Variants in ZNF554 observed in about 807,000 individuals in gnomAD.
The protein encoded by ZNF554 is zinc finger protein 554.
A neutral mutation model predicts 21.2 loss-of-function variants in ZNF554; 15 were observed. The observed-to-expected ratio is 0.71, with a 90% CI of 0.47 to 1.09. The LOEUF is 1.09. Among genes scored for constraint, ZNF554 ranks in the 50% least tolerant of loss-of-function variants. ZNF554 has a pLI of 0.00. For synonymous variants in ZNF554, 258 were observed against 251.4 expected (o/e 1.03, Z -0.25); for missense variants, 691 against 662.7 (o/e 1.04, Z -0.47).
chr19:2,830,066 A>C (rs1282071206), intron 3 of ZNF554, among the ~76,000 whole-genome samples: 3 of 152,068 alleles, frequency 2.0e-5, no homozygotes, highest in Non-Finnish European at 4.4e-5. Flanking sequence ...CTGGGACTAC[A>C]GGCGCCCGCC....
At chr19:2,823,170 C>G in intron 2 of ZNF554, 58 bp downstream of exon 2, 1 of 1,538,416 alleles carries the variant, frequency 6.5e-7, no homozygotes, top group Admixed American at 1.8e-5. Flanking sequence ...AACAATCCCA[C>G]CAGAAACTCA....
At chr19:2,832,099 T>C (rs1272189258) in intron 3 of ZNF554, 5 of 389,442 alleles carry the variant, frequency 1.3e-5, no homozygotes, top group African/African-American at 1.0e-4. Flanking sequence ...CTAATTTTTG[T>C]ATTTTTAGTA....
chr19:2,823,441 A>C (rs1056354586), intron 2 of ZNF554, among the ~76,000 whole-genome samples: 1 of 152,070 alleles, frequency 6.6e-6, no homozygotes, highest in Non-Finnish European at 1.5e-5. Context: ...CAGACAAGTG[A>C]AGGGTGAAGA....
chr19:2,826,792 G>C (rs1166748375), intron 2 of ZNF554, among the ~76,000 whole-genome samples: 3 of 151,828 alleles, frequency 2.0e-5, no homozygotes, highest in Non-Finnish European at 1.5e-5. Flanking sequence ...CTCCCGAGTA[G>C]CTAGGACTAC....
rs369785038 is a variant in ZNF554 at position 2,834,065 on chromosome 19, A to G, written c.830A>G (p.Glu277Gly). 3 of 1,614,130 alleles carry G rather than the reference A, an allele frequency of 1.9e-6. No homozygotes were observed. The South Asian group carries it at 3.3e-5, about 18-fold the overall frequency. ...GATCGGAGACCTTGTGAAAGTAATG[A>G]ATGTGGAAATGCCATCCGCCAGAAC... ...YADRRPCESN[E>G]CGNAIRQNSH... Residue 277 changes from glutamate (E) to glycine (G), a missense_variant, in exon 5 of 5, where the codon GAA becomes GGA. Transcript: ENST00000317243.
At position 2,834,211 on chromosome 19, in the gene ZNF554, T is replaced by C; in HGVS notation, c.976T>C (p.Cys326Arg). The C allele has an allele frequency of 6.2e-7, 1 of 1,613,960 alleles. No homozygotes were observed. Among genetic ancestry groups the C allele is most frequent in the Non-Finnish European group, 8.5e-7 (1 of 1,180,024 alleles). The change falls in exon 5 of 5, where the codon TGC (cysteine) becomes CGC (arginine). Residue 326 changes from cysteine (C) to arginine (R), a missense_variant. Physicochemically the swap from Cys to Arg is radical, Grantham distance 180. Coordinates refer to ENST00000317243, the MANE Select transcript of ZNF554 (RefSeq NM_001102651.2). ...CAACACGGCAGAGAAACCCTTTGAG[T>C]GCCACCAGTGTGGGAAGGTGTTCAA... Reference protein sequence around the residue: ...KINTAEKPFECHQCGKVFNRR... With the variant: ...KINTAEKPFERHQCGKVFNRR...
intron 3 of ZNF554, among the ~76,000 whole-genome samples, chr19:2,829,203 A>G (rs2087378763): frequency 6.6e-6 from 1 of 152,108 alleles, no homozygotes; most frequent in South Asian, 2.1e-4. Flanking sequence ...TACTAAAAAT[A>G]CAAAAATTAG....
At chr19:2,822,444 G>C (rs1305388366) in intron 1 of ZNF554, among the ~76,000 whole-genome samples, 3 of 152,116 alleles carry the variant, frequency 2.0e-5, no homozygotes, top group Non-Finnish European at 4.4e-5. Context: ...GTTATTTTAA[G>C]CCCCCGGGTT....
chr19:2,831,207 G>A (rs1441439457), intron 3 of ZNF554: 1 of 152,056 alleles, frequency 6.6e-6, no homozygotes, highest in East Asian at 1.9e-4. Context: ...TCTCATTGCG[G>A]TTTTGATATG....
chr19:2,825,006 T>G (rs1030587146), intron 2 of ZNF554, among the ~76,000 whole-genome samples: 3,515 of 97,420 alleles, frequency 0.036, 75 homozygotes, highest in Middle Eastern at 0.082. Flanking sequence ...TGCAGTTGTT[T>G]TTTTTTTTTT....
Position 2,821,942 on chromosome 19 carries a change from C to T in ZNF554, c.54-1098C>T, listed in dbSNP as rs1350637398. On this transcript the variant is annotated intron_variant, in intron 1 of 4. Transcript: ENST00000317243. This position sits in a 1 kb window ranked among gnomAD's most constrained non-coding sequence, Gnocchi z 8.2. ...CCTTTCAAAATGCTGGGATTACAGA[C>T]GTGAGTCACCTAGTCCAGCTGTCTC... 3.3e-5 allele frequency among the ~76,000 whole-genome samples: 5 copies of T among 152,040 alleles called. No homozygotes were observed. Among genetic ancestry groups the T allele is most frequent in the African/African-American group, 7.2e-5 (3 of 41,386 alleles).
chr19:2,833,511 C>G (rs2087447795), intron 4 of ZNF554, among the ~76,000 whole-genome samples, 170 bp from the exon 5 acceptor site: 1 of 152,200 alleles, frequency 6.6e-6, no homozygotes, highest in Admixed American at 6.6e-5. Context: ...CCTCAGTGGC[C>G]TTCCTTGCCA....
At position 2,833,894 on chromosome 19, in the gene ZNF554, A is replaced by G. The variant is rs2087455563; in HGVS notation, c.659A>G (p.His220Arg). ...AVPQEKATAW[H>R]GFGENGNLSP... ...CCTCAGGAGAAGGCTACTGCATGGCATGGATTTGGGGAAAATGGTAATCTG... is the reference window on the plus strand; with the variant it reads ...CCTCAGGAGAAGGCTACTGCATGGCGTGGATTTGGGGAAAATGGTAATCTG... The change falls in exon 5 of 5, where the codon CAT (histidine) becomes CGT (arginine). Residue 220 changes from histidine (H) to arginine (R), a missense_variant. Transcript: ENST00000317243. 6.2e-7 allele frequency: 1 copy of G among 1,613,896 alleles called. No individual in the cohort carries two copies. The highest frequency in any genetic ancestry group is 8.5e-7 in the Non-Finnish European group (1 of 1,179,876).
At chr19:2,826,749 C>T (rs1008745517) in intron 2 of ZNF554, among the ~76,000 whole-genome samples, 3 of 151,242 alleles carry the variant, frequency 2.0e-5, no homozygotes, top group Admixed American at 6.6e-5. Context: ...GCAAACTCCA[C>T]CTCCTGGGTT....
intron 3 of ZNF554, 74 bp from the exon 4 acceptor site, chr19:2,832,229 A>G (rs1457438987): frequency 6.9e-7 from 1 of 1,443,240 alleles, no homozygotes; most frequent in East Asian, 2.3e-5. Flanking sequence ...CCTGGCACAG[A>G]TCTGTAATTT....
rs2087464400 is a variant in ZNF554, at chr19:2,834,245, A to G, written c.1010A>G (p.His337Arg). 1.9e-6 allele frequency: 3 copies of G among 1,613,982 alleles called. No homozygotes were observed. Among genetic ancestry groups the G allele is most frequent in the Non-Finnish European group, 8.5e-7 (1 of 1,180,048 alleles). ...TGTGGGAAGGTGTTCAACCGGAGGC[A>G]TTCTTTGAGCGAACATCAAAGAATT... Reference protein sequence around the residue: ...HQCGKVFNRRHSLSEHQRIHT... With the variant: ...HQCGKVFNRRRSLSEHQRIHT... Residue 337 changes from histidine to arginine, a missense_variant, in exon 5 of 5, where the codon CAT becomes CGT. Transcript: ENST00000317243.
Position 2,833,718 on chromosome 19 carries a change from C to A in ZNF554, c.483C>A (p.Tyr161Ter). The A allele has an allele frequency of 1.3e-6, 2 of 1,540,620 alleles. No individual in the cohort carries two copies. The highest frequency in any genetic ancestry group is 2.5e-5 in the South Asian group (2 of 80,570). The change falls in exon 5 of 5, where the codon TAC (tyrosine) becomes TAA (stop). Residue 161 changes from tyrosine to a stop codon, truncating the protein, a stop_gained. Coordinates refer to ENST00000317243, the MANE Select transcript of ZNF554 (RefSeq NM_001102651.2). LOFTEE classifies it low-confidence loss of function (END_TRUNC). Reference protein sequence around the residue: ...MTVLRNQDSTYKKVALQEEPA... With the variant: ...MTVLRNQDST ...TACTAAGAAACCAAGACTCAACTTA[C>A]AAGAAGGTGGCTTTGCAGGAGGAAC...
rs138849404 is a variant in ZNF554 at position 2,823,777 on chromosome 19, G to A, written c.126+665G>A. Among the ~76,000 whole-genome samples, 510 of 152,184 alleles carry A rather than the reference G, an allele frequency of 3.4e-3. 4 individuals are homozygous for A. The highest frequency in any genetic ancestry group is 0.012 in the African/African-American group (484 of 41,542). ...TGTCTGCCTTCTTTGTCCTCTGGCC[G>A]TCCTCTGCCCTGCTAAGCCTGAGCC... On this transcript the variant is annotated intron_variant, in intron 2 of 4. Coordinates refer to ENST00000317243, the MANE Select transcript of ZNF554 (RefSeq NM_001102651.2).
chr19:2,826,055 C>T (rs1482299256), intron 2 of ZNF554, among the ~76,000 whole-genome samples: 2 of 151,730 alleles, frequency 1.3e-5, no homozygotes, highest in African/African-American at 4.8e-5. Context: ...CACCCGTCAC[C>T]ACGCTTGACT....
Sources: gnomAD v4.1 joint callset for allele counts (sites outside exome capture counted in the v4.1 genomes callset) on GRCh38, gnomAD v4.1.1 for gene constraint, Gnocchi (gnomAD v3.1) non-coding constraint, MANE v1.5 for transcripts, NCBI Gene and HGNC (gene_info 2026-07-23, HGNC 2026-07-21) for gene names.